The following ATG7 variants were observed in gnomAD, a reference collection of about 807,000 sequenced individuals.
ATG7 encodes ubiquitin-like modifier-activating enzyme ATG7.
Under a neutral mutation model 82.4 loss-of-function variants are expected in ATG7, and 70 were observed. The observed-to-expected ratio is 0.85, with a 90% CI of 0.70 to 1.04. The LOEUF (loss-of-function observed/expected upper bound fraction) is 1.04, where lower values mean the gene tolerates loss of function less well. Among genes scored for constraint, ATG7 ranks in the 50% least tolerant of loss-of-function variants. The probability of loss-of-function intolerance (pLI) is 0.00; values close to 1 mark genes in which losing one functional copy is unlikely to be tolerated. For synonymous variants in ATG7, 287 were observed against 313.0 expected (o/e 0.92, Z 0.88); for missense variants, 792 against 864.3 (o/e 0.92, Z 1.05).
rs559793538 is a variant in ATG7, at chr3:11,473,895, A to G, written c.2079+46969A>G. Among the ~76,000 whole-genome samples, 3 of 152,264 alleles carry G rather than the reference A, an allele frequency of 2.0e-5. No individual in the cohort carries two copies. The South Asian group carries it at 6.2e-4, about 32-fold the overall frequency. On this transcript the variant is annotated intron_variant, in intron 20 of 20. Transcript: ENST00000693202. ...ACCCCAAAACATCAGCGAGCCCTCA[A>G]TTTCTGTGCATACGTTCAAACCTCA... is the stretch of plus-strand genomic sequence containing the variant.
Position 11,485,862 on chromosome 3 carries a change from C to T in ATG7, c.2079+58936C>T, listed in dbSNP as rs575210351. On this transcript the variant is annotated intron_variant, in intron 20 of 20. Coordinates refer to ENST00000693202, the MANE Select transcript of ATG7 (RefSeq NM_001349232.2). Reference sequence around the variant, plus strand: ...AGATCAGATAGTTGTAGATATGCGACGTTATTTCTGAGGGCTCTGTTCTGT... The same window carrying T: ...AGATCAGATAGTTGTAGATATGCGATGTTATTTCTGAGGGCTCTGTTCTGT... Among the ~76,000 whole-genome samples the T allele has an allele frequency of 1.3e-4, 20 of 152,108 alleles. No homozygotes were observed. The East Asian group carries it at 1.7e-3, about 13-fold the overall frequency.
chr3:11,462,566 C>T (rs2086417600), intron 20 of ATG7, among the ~76,000 whole-genome samples: 1 of 152,054 alleles, frequency 6.6e-6, no homozygotes, highest in African/African-American at 2.4e-5. Flanking sequence ...AGGAATGGTC[C>T]CTAGTTGACT....
intron 20 of ATG7, among the ~76,000 whole-genome samples, chr3:11,427,543 C>A (rs557908971): frequency 1.4e-5 from 2 of 147,018 alleles, no homozygotes; most frequent in Admixed American, 6.8e-5. Context: ...ATCGGCCGGG[C>A]GAGGTGGCTC....
rs1262052992 is a variant in ATG7, at chr3:11,313,293, T to C, written c.412-11T>C. The C allele has an allele frequency of 6.4e-7, 1 of 1,552,828 alleles. No homozygotes were observed. Among genetic ancestry groups the C allele is most frequent in the Non-Finnish European group, 8.8e-7 (1 of 1,131,994 alleles). ...GCTATTCTAATAACTTATTTATACT[T>C]TTTTTTCTAGGATCTAAAGAAGTAC... On this transcript the variant is annotated splice_polypyrimidine_tract_variant and intron_variant, in intron 7 of 20. Coordinates refer to ENST00000693202, the MANE Select transcript of ATG7 (RefSeq NM_001349232.2).
chr3:11,546,628 G>C (rs2071314421), intron 20 of ATG7, among the ~76,000 whole-genome samples: 1 of 152,224 alleles, frequency 6.6e-6, no homozygotes, highest in South Asian at 2.1e-4. Flanking sequence ...ACCCAAGTTT[G>C]AAATTGGATG....
chr3:11,564,976 G>C, the ATG7 span: 1 of 1,532,002 alleles, frequency 6.5e-7, no homozygotes, highest in Non-Finnish European at 8.8e-7. Context: ...CTGCGGCTCC[G>C]CTCCCGGGGG....
chr3:11,454,020 A>G (rs192347955), intron 20 of ATG7, among the ~76,000 whole-genome samples: 30 of 152,316 alleles, frequency 2.0e-4, no homozygotes, highest in Non-Finnish European at 3.7e-4. Context: ...TCAAACCTCA[A>G]TCTTGCTAAA....
intron 3 of ATG7, among the ~76,000 whole-genome samples, chr3:11,293,530 CAAA>C (rs34054325): frequency 1.0e-4 from 6 of 57,292 alleles, no homozygotes; most frequent in South Asian, 5.4e-4. Context: ...GACTCTGTCT[CAAA>C]AAAAAAAAAA....
At chr3:11,405,177 G>T (rs1008517688) in intron 19 of ATG7, among the ~76,000 whole-genome samples, 2 of 152,092 alleles carry the variant, frequency 1.3e-5, no homozygotes, top group African/African-American at 4.8e-5. Context: ...TCTGAATCAG[G>T]TCAAATGAGG....
At chr3:11,326,942 G>A (rs7628865) in intron 9 of ATG7, among the ~76,000 whole-genome samples, 2,529 of 152,294 alleles carry the variant, frequency 0.017, 66 homozygotes, top group African/African-American at 0.057. Flanking sequence ...GTTGAGAAAG[G>A]AAAGAAGGAA....
intron 20 of ATG7, among the ~76,000 whole-genome samples, chr3:11,443,150 TG>T (rs2084167097): frequency 6.6e-6 from 1 of 152,172 alleles, no homozygotes; most frequent in Non-Finnish European, 1.5e-5. Context: ...GCACTCCCTC[TG>T]GGCCACCATA....
intron 19 of ATG7, among the ~76,000 whole-genome samples, chr3:11,396,782 C>CA (rs776333119): frequency 0.35 from 32,998 of 93,688 alleles, 4,735 homozygotes; most frequent in South Asian, 0.47. Flanking sequence ...ACTCTGTCTC[C>CA]AAAAAAAAAA....
intron 20 of ATG7, among the ~76,000 whole-genome samples, chr3:11,427,855 G>T (rs541179354): frequency 3.3e-5 from 5 of 151,814 alleles, no homozygotes; most frequent in Admixed American, 6.6e-5. Context: ...CCAAATGCTC[G>T]CTGTTCTTAG....
chr3:11,438,524 C>T (rs914905814), intron 20 of ATG7, among the ~76,000 whole-genome samples: 3 of 152,054 alleles, frequency 2.0e-5, no homozygotes, highest in African/African-American at 2.4e-5. Context: ...CAAGATTGTA[C>T]CACTGTACTC....
intron 20 of ATG7, among the ~76,000 whole-genome samples, chr3:11,469,746 G>A (rs1003656526): frequency 6.6e-6 from 1 of 151,762 alleles, no homozygotes; most frequent in African/African-American, 2.4e-5. Context: ...AGCACTTTGG[G>A]AGGCTGAGGC....
At chr3:11,333,809 G>A (rs544898785) in intron 11 of ATG7, among the ~76,000 whole-genome samples, 11 of 149,366 alleles carry the variant, frequency 7.4e-5, no homozygotes, top group Non-Finnish European at 1.5e-4. Context: ...GTGCAGTGGC[G>A]TGATCTTGGC....
intron 20 of ATG7, among the ~76,000 whole-genome samples, chr3:11,465,793 C>A (rs1042329689): frequency 1.3e-5 from 2 of 151,754 alleles, no homozygotes; most frequent in Admixed American, 6.6e-5. Context: ...GCCTGTAGCC[C>A]CTCTTCCTTC....
chr3:11,483,081 A>G (rs926780164), intron 20 of ATG7, among the ~76,000 whole-genome samples: 1 of 152,172 alleles, frequency 6.6e-6, no homozygotes, highest in Non-Finnish European at 1.5e-5. Flanking sequence ...GTAAGAATGC[A>G]AAATTATCAG....
intron 18 of ATG7, among the ~76,000 whole-genome samples, chr3:11,366,971 CTGTG>C (rs60183965): frequency 0.022 from 3,023 of 139,750 alleles, 29 homozygotes; most frequent in Middle Eastern, 0.034. Flanking sequence ...ATGGGAAAAG[CTGTG>C]TGTGTGTGTG....
Sources: gnomAD v4.1 joint callset for allele counts (sites outside exome capture counted in the v4.1 genomes callset) on GRCh38, gnomAD v4.1.1 for gene constraint, MANE v1.5 for transcripts, NCBI Gene and HGNC (gene_info 2026-07-23, HGNC 2026-07-21) for gene names.